Variants in EXT1 observed in about 807,000 individuals in gnomAD.
The protein encoded by EXT1 is exostosin glycosyltransferase 1, also known as exostosin-1.
In EXT1, 20 loss-of-function variants were observed where a neutral mutation model predicts 82.5. The observed-to-expected ratio is 0.24, with a 90% CI of 0.17 to 0.35. EXT1 has a LOEUF of 0.35. EXT1 is among the 10% of genes least tolerant of loss of function. The pLI, the probability that EXT1 is intolerant of heterozygous loss-of-function variation, is 1.00. For synonymous variants in EXT1, 348 were observed against 350.8 expected (o/e 0.99, Z 0.09); for missense variants, 757 against 936.5 (o/e 0.81, Z 2.50).
At chr8:117,940,612 G>A (rs943159522) in intron 1 of EXT1, among the ~76,000 whole-genome samples, 1 of 152,184 alleles carries the variant, frequency 6.6e-6, no homozygotes, top group Non-Finnish European at 1.5e-5. Context: ...CAGGAAGCCA[G>A]ACATTAAGCC....
chr8:117,841,266 C>A (rs960573539), intron 1 of EXT1, among the ~76,000 whole-genome samples: 2 of 152,156 alleles, frequency 1.3e-5, no homozygotes, highest in African/African-American at 2.4e-5. Context: ...ATACACACGA[C>A]AACTTCAAGG....
At chr8:117,886,930 C>T (rs1813156636) in intron 1 of EXT1, among the ~76,000 whole-genome samples, 1 of 152,162 alleles carries the variant, frequency 6.6e-6, no homozygotes, top group African/African-American at 2.4e-5. Flanking sequence ...AGTCAGATGG[C>T]CAGAGTTTGA....
chr8:118,005,668 C>T (rs1407105585), intron 1 of EXT1, among the ~76,000 whole-genome samples: 1 of 152,202 alleles, frequency 6.6e-6, no homozygotes, highest in Non-Finnish European at 1.5e-5. Flanking sequence ...GCTACAAGTC[C>T]AGCATTTCAC....
At chr8:118,066,892 G>C (rs1279678605) in intron 1 of EXT1, among the ~76,000 whole-genome samples, 1 of 152,070 alleles carries the variant, frequency 6.6e-6, no homozygotes, top group African/African-American at 2.4e-5. Context: ...AAGCTTTCTG[G>C]AAATAAAAGT....
intron 1 of EXT1, among the ~76,000 whole-genome samples, chr8:117,994,992 AG>A (rs1815506644): frequency 6.6e-6 from 1 of 152,214 alleles, no homozygotes; most frequent in Admixed American, 6.5e-5. Flanking sequence ...GCTATATAGA[AG>A]ATAGGGACAA....
At position 117,877,223 on chromosome 8, in the gene EXT1, C is replaced by A. The variant is rs2129910192; in HGVS notation, c.963-40022G>T. On this transcript the variant is annotated intron_variant, in intron 1 of 10. Coordinates refer to ENST00000378204, the MANE Select transcript of EXT1 (RefSeq NM_000127.3). ...GGCCGGCGCAACTGAAATGGTCAGG[C>A]CTTCCCTAGCCTCATGAGAGAAGTC... is the stretch of plus-strand genomic sequence containing the variant. Among the ~76,000 whole-genome samples the A allele has an allele frequency of 1.3e-5, 2 of 152,304 alleles. 1 individual carries two copies. The highest frequency in any genetic ancestry group is 3.9e-4 in the East Asian group (2 of 5,180).
chr8:118,028,440 T>C (rs965189607), intron 1 of EXT1, among the ~76,000 whole-genome samples: 3 of 152,206 alleles, frequency 2.0e-5, no homozygotes, highest in African/African-American at 7.2e-5. Context: ...TATAAGAATC[T>C]TCCTGTTTTA....
At chr8:117,914,439 A>C (rs1032903529) in intron 1 of EXT1, among the ~76,000 whole-genome samples, 2 of 152,342 alleles carry the variant, frequency 1.3e-5, no homozygotes, top group African/African-American at 4.8e-5. Flanking sequence ...TTTAGGGAAC[A>C]AGGGAAGACA....
chr8:118,098,093 G>A (rs1406170084), intron 1 of EXT1, among the ~76,000 whole-genome samples: 5 of 152,206 alleles, frequency 3.3e-5, no homozygotes, highest in Admixed American at 3.3e-4. Context: ...TTAGTAACAT[G>A]TGAATTAACT....
chr8:118,011,802 A>G (rs1346567379), intron 1 of EXT1, among the ~76,000 whole-genome samples: 8 of 152,202 alleles, frequency 5.3e-5, no homozygotes. Context: ...ATTCACTCAG[A>G]GACAAATTCC....
intron 1 of EXT1, among the ~76,000 whole-genome samples, chr8:117,988,986 G>T (rs1815378960): frequency 6.7e-6 from 1 of 149,174 alleles, no homozygotes; most frequent in African/African-American, 2.5e-5. Flanking sequence ...CAGCTACTCA[G>T]GAAGCTGAGG....
chr8:118,041,386 G>T (rs1289427165), intron 1 of EXT1, among the ~76,000 whole-genome samples: 1 of 152,084 alleles, frequency 6.6e-6, no homozygotes, highest in African/African-American at 2.4e-5. Flanking sequence ...CCTAGTAAGT[G>T]CCAGGCACCT....
chr8:117,964,682 G>A lies in EXT1; in HGVS notation c.963-127481C>T, dbSNP rs145643124. Among the ~76,000 whole-genome samples, 1,086 of 152,082 alleles carry A rather than the reference G, an allele frequency of 7.1e-3. 4 individuals are homozygous for A. Among genetic ancestry groups the A allele is most frequent in the Non-Finnish European group, 0.012 (836 of 67,984 alleles). ...TTTGTTTTTTGAGACAGGCCCAGGCGGCTGGAGTGTAGTGGCATGATCTCA... is the reference window on the plus strand; with the variant it reads ...TTTGTTTTTTGAGACAGGCCCAGGCAGCTGGAGTGTAGTGGCATGATCTCA... On this transcript the variant is annotated intron_variant, in intron 1 of 10. Coordinates refer to ENST00000378204, the MANE Select transcript of EXT1 (RefSeq NM_000127.3).
intron 1 of EXT1, among the ~76,000 whole-genome samples, chr8:117,966,599 C>T (rs979408650): frequency 2.6e-5 from 4 of 152,142 alleles, no homozygotes; most frequent in South Asian, 2.1e-4. Context: ...CTAAGTCTGG[C>T]GTATCCCCTC....
At chr8:118,101,268 CTGT>C (rs1817714657) in intron 1 of EXT1, among the ~76,000 whole-genome samples, 1 of 152,174 alleles carries the variant, frequency 6.6e-6, no homozygotes, top group African/African-American at 2.4e-5. Flanking sequence ...GGATCAGCTA[CTGT>C]TATGGTGCAG....
intron 1 of EXT1, among the ~76,000 whole-genome samples, chr8:117,855,710 C>G (rs1268172624): frequency 2.0e-5 from 3 of 152,206 alleles, no homozygotes; most frequent in African/African-American, 7.2e-5. Context: ...ACACTGTCAC[C>G]CTGGCTGGAG....
rs373621003 is a variant in EXT1, at chr8:117,902,839, G to A, written c.963-65638C>T. Among the ~76,000 whole-genome samples the A allele has an allele frequency of 2.4e-3, 358 of 152,206 alleles. 2 individuals are homozygous for A. The highest frequency in any genetic ancestry group is 0.014 in the South Asian group (68 of 4,822). ...ATTATCTTCAAATAGAATCCTTATCGTTGTCAGACAATGAGAGGAATGTTG... is the reference window on the plus strand; with the variant it reads ...ATTATCTTCAAATAGAATCCTTATCATTGTCAGACAATGAGAGGAATGTTG... On this transcript the variant is annotated intron_variant, in intron 1 of 10. Coordinates refer to ENST00000378204, the MANE Select transcript of EXT1 (RefSeq NM_000127.3).
At chr8:118,055,170 C>T (rs1816776385) in intron 1 of EXT1, among the ~76,000 whole-genome samples, 1 of 152,162 alleles carries the variant, frequency 6.6e-6, no homozygotes, top group African/African-American at 2.4e-5. Flanking sequence ...GTACTGCAAC[C>T]ACTAATCTGT....
At chr8:118,008,842 C>G (rs575418082) in intron 1 of EXT1, among the ~76,000 whole-genome samples, 11 of 152,236 alleles carry the variant, frequency 7.2e-5, no homozygotes, top group African/African-American at 2.6e-4. Flanking sequence ...TCCCACCTCA[C>G]AGAGTTTTTT....
Sources: allele counts gnomAD v4.1 joint callset (sites outside exome capture counted in the v4.1 genomes callset), GRCh38; gene constraint gnomAD v4.1.1; transcripts MANE v1.5; gene names NCBI Gene and HGNC (gene_info 2026-07-23, HGNC 2026-07-21).